The following RIBC2 variants were observed in gnomAD, a reference collection of about 807,000 sequenced individuals.
RIBC2 encodes RIB43A-like with coiled-coils protein 2.
In RIBC2, 40 loss-of-function variants were observed where a neutral mutation model predicts 44.3. The ratio of observed to expected loss-of-function variants is 0.90; its 90% CI spans 0.70 to 1.18. RIBC2 has a LOEUF of 1.18. Among genes scored for constraint, RIBC2 ranks in the 50% most tolerant of loss-of-function variants. The pLI is 0.00. For synonymous variants in RIBC2, 171 were observed against 175.0 expected (o/e 0.98, Z 0.18); for missense variants, 459 against 485.5 (o/e 0.95, Z 0.51).
intron 3 of RIBC2, among the ~76,000 whole-genome samples, chr22:45,421,540 AATATTAATAATAATAATAGT>A (rs1383360572): frequency 1.0e-4 from 4 of 38,432 alleles, no homozygotes; most frequent in African/African-American, 5.8e-4. Flanking sequence ...TATTATTAAT[AATATTAATAATAATAATAGT>A]ATTATTAATA....
At chr22:45,414,451 T>G in intron 2 of RIBC2, 48 bp downstream of exon 2, 1 of 1,354,228 alleles carries the variant, frequency 7.4e-7, no homozygotes, top group South Asian at 1.4e-5. Flanking sequence ...TTGTGTGGCT[T>G]TAGACTCCAG....
At chr22:45,428,790 G>T (rs1374134961) in intron 5 of RIBC2, among the ~76,000 whole-genome samples, 4 of 152,190 alleles carry the variant, frequency 2.6e-5, no homozygotes, top group African/African-American at 7.2e-5. Flanking sequence ...ACAGTGCCCA[G>T]GGCCCACTAG....
intron 3 of RIBC2, among the ~76,000 whole-genome samples, chr22:45,420,543 C>G (rs2087468168): frequency 6.6e-6 from 1 of 152,328 alleles, no homozygotes; most frequent in South Asian, 2.1e-4. Flanking sequence ...CAGCAGTCTC[C>G]TTGACATCTC....
intron 3 of RIBC2, among the ~76,000 whole-genome samples, chr22:45,421,745 A>C (rs78000690): frequency 0.019 from 2,813 of 151,728 alleles, 96 homozygotes; most frequent in African/African-American, 0.065. Flanking sequence ...TCTGACTCCA[A>C]ATCTTCACAT....
At chr22:45,414,550 G>C (rs189627645) in intron 2 of RIBC2, 147 bp downstream of exon 2, 7 of 509,008 alleles carry the variant, frequency 1.4e-5, no homozygotes, top group Non-Finnish European at 2.3e-5. Context: ...ATGTTGCCCA[G>C]GCTGGTCTGG....
intron 5 of RIBC2, among the ~76,000 whole-genome samples, 185 bp downstream of exon 5, chr22:45,426,360 A>G (rs1363426873): frequency 6.6e-6 from 1 of 152,244 alleles, no homozygotes; most frequent in Non-Finnish European, 1.5e-5. Flanking sequence ...ATGTGGCATT[A>G]GGAGTAGGAG....
chr22:45,418,005 A>C, intron 3 of RIBC2, 59 bp downstream of exon 3: 1 of 871,964 alleles, frequency 1.1e-6, no homozygotes. Flanking sequence ...CCAACCCTAC[A>C]GTTTTTTTTT....
intron 3 of RIBC2, chr22:45,418,237 G>C (rs141056365): frequency 4.1e-6 from 1 of 243,496 alleles, no homozygotes. Flanking sequence ...GGATGCCGGC[G>C]TGCAGAGGTA....
chr22:45,431,205 G>C, intron 6 of RIBC2, 139 bp downstream of exon 6: 1 of 1,059,688 alleles, frequency 9.4e-7, no homozygotes, highest in South Asian at 1.6e-5. Context: ...TGGACCTCAA[G>C]TGGGCTGGCT....
At chr22:45,422,019 G>T (rs1254602218) in intron 3 of RIBC2, among the ~76,000 whole-genome samples, 2 of 152,070 alleles carry the variant, frequency 1.3e-5, no homozygotes, top group Non-Finnish European at 2.9e-5. Context: ...AGTATCTCTT[G>T]CCCACTGTAA....
chr22:45,424,893 T>G, intron 4 of RIBC2, among the ~76,000 whole-genome samples: 1 of 151,660 alleles, frequency 6.6e-6, no homozygotes, highest in Non-Finnish European at 1.5e-5. Flanking sequence ...GTAGCTGGGA[T>G]TACAGGCCTC....
At chr22:45,419,812 G>T (rs2087460694) in intron 3 of RIBC2, among the ~76,000 whole-genome samples, 1 of 151,546 alleles carries the variant, frequency 6.6e-6, no homozygotes, top group Non-Finnish European at 1.5e-5. Context: ...AGATCACGAG[G>T]TCAGGAGATC....
chr22:45,426,010 C>T lies in RIBC2; in HGVS notation c.738C>T (p.Ala246=), dbSNP rs142018427. 1.6e-5 allele frequency: 26 copies of T among 1,613,974 alleles called. No individual in the cohort carries two copies. The highest frequency in any genetic ancestry group is 8.8e-5 in the South Asian group (8 of 91,080). Residue 246 remains alanine, a synonymous_variant, in exon 5 of 7, where the codon GCC becomes GCT. Transcript: ENST00000614167. ...AGCAAGAACAAGAGGACAACTTGGC[C>T]GAGATCACCAACCTCCTGCGTGGGG... is the stretch of plus-strand genomic sequence containing the variant. ...EKKQEQEDNL[A]EITNLLRGDL... is the part of the protein sequence containing the mutation.
chr22:45,418,194 G>T, intron 3 of RIBC2: 2 of 352,636 alleles, frequency 5.7e-6, no homozygotes, highest in Non-Finnish European at 5.1e-6. Context: ...CCTCAGTCAT[G>T]TGGAAAACAC....
chr22:45,421,465 C>T (rs1382217851), intron 3 of RIBC2, among the ~76,000 whole-genome samples: 1 of 145,616 alleles, frequency 6.9e-6, no homozygotes, highest in African/African-American at 2.5e-5. Flanking sequence ...TCTTGGATGT[C>T]TAATGCACTT....
In RIBC2 at chr22:45,416,529, TC is replaced by T. The variant is rs1833272939; in HGVS notation, c.212-1072del. On this transcript the variant is annotated intron_variant, in intron 2 of 6. Transcript: ENST00000614167. ...CAGGCTGGAGTTCAGTGGAGCGATC[TC>T]GGCTCACTGCAACCTCTGCCTCCCG... Among the ~76,000 whole-genome samples, 5 of 152,308 alleles carry T rather than the reference TC, an allele frequency of 3.3e-5. No homozygotes were observed. In the South Asian group the frequency reaches 6.2e-4, roughly 19 times the overall value.
At chr22:45,414,452 T>C (rs1984279123) in intron 2 of RIBC2, 49 bp downstream of exon 2, 1 of 1,328,082 alleles carries the variant, frequency 7.5e-7, no homozygotes, top group African/African-American at 1.5e-5. Context: ...TGTGTGGCTT[T>C]AGACTCCAGT....
At chr22:45,422,589 T>G in intron 4 of RIBC2, 181 bp downstream of exon 4, 1 of 618,028 alleles carries the variant, frequency 1.6e-6, no homozygotes, top group Non-Finnish European at 2.9e-6. Context: ...GACCCAGTCC[T>G]GTGCCTTAGC....
intron 5 of RIBC2, among the ~76,000 whole-genome samples, chr22:45,427,728 G>T (rs1436075225): frequency 6.6e-6 from 1 of 152,234 alleles, no homozygotes; most frequent in Non-Finnish European, 1.5e-5. Flanking sequence ...TCTGCCTCCT[G>T]AGTTCAAGCG....
Sources: gnomAD v4.1 joint callset for allele counts (sites outside exome capture counted in the v4.1 genomes callset) on GRCh38, gnomAD v4.1.1 for gene constraint, MANE v1.5 for transcripts, NCBI Gene and HGNC (gene_info 2026-07-23, HGNC 2026-07-21) for gene names.